RWDD4: variants seen among roughly 807,000 people sequenced by gnomAD.
RWDD4 encodes RWD domain-containing protein 4.
In RWDD4, 16 loss-of-function variants were observed where a neutral mutation model predicts 30.0. The observed-to-expected ratio is 0.53, with a 90% CI of 0.36 to 0.81. The LOEUF (loss-of-function observed/expected upper bound fraction) is 0.81, where lower values mean the gene tolerates loss of function less well. Among genes scored for constraint, RWDD4 ranks in the 30% least tolerant of loss-of-function variants. The pLI, the probability that RWDD4 is intolerant of heterozygous loss-of-function variation, is 0.00. For synonymous variants in RWDD4, 45 were observed against 72.1 expected (o/e 0.62, Z 1.90); for missense variants, 170 against 223.9 (o/e 0.76, Z 1.54).
chr4:183,648,859 T>C (rs1168952389), intron 5 of RWDD4, among the ~76,000 whole-genome samples: 1 of 152,168 alleles, frequency 6.6e-6, no homozygotes, highest in Non-Finnish European at 1.5e-5. Context: ...TTTTTTTCTT[T>C]TTTTGAGACA....
At chr4:183,654,767 G>A (rs566084037) in intron 2 of RWDD4, among the ~76,000 whole-genome samples, 1 of 152,308 alleles carries the variant, frequency 6.6e-6, no homozygotes, top group Admixed American at 6.5e-5. Flanking sequence ...TGGAGATGGT[G>A]TAAGGACTGT....
intron 7 of RWDD4, among the ~76,000 whole-genome samples, chr4:183,641,716 G>T (rs1191402088): frequency 6.6e-6 from 1 of 152,092 alleles, no homozygotes; most frequent in Non-Finnish European, 1.5e-5. Flanking sequence ...GGACACTCTT[G>T]AAGCTTTCTA....
At chr4:183,641,593 C>T (rs1460269158) in intron 7 of RWDD4, 125 bp from the exon 8 acceptor site, 1 of 729,182 alleles carries the variant, frequency 1.4e-6, no homozygotes, top group Admixed American at 2.4e-5. Context: ...CAGTTTTTAC[C>T]ACATGTAGCT....
At chr4:183,646,290 A>AG (rs780620706) in intron 7 of RWDD4, 61 bp downstream of exon 7, 2 of 780,074 alleles carry the variant, frequency 2.6e-6, no homozygotes, top group East Asian at 2.4e-5. Flanking sequence ...AAAAAAAAAA[A>AG]GATCTAAAAT....
intron 2 of RWDD4, chr4:183,653,793 T>C (rs1482112786): frequency 2.6e-5 from 4 of 152,212 alleles, no homozygotes; most frequent in Non-Finnish European, 5.9e-5. Flanking sequence ...ATGGCGCATT[T>C]AGGAATAAAT....
At chr4:183,643,116 A>T (rs1467112203) in intron 7 of RWDD4, among the ~76,000 whole-genome samples, 14 of 67,362 alleles carry the variant, frequency 2.1e-4, no homozygotes, top group Non-Finnish European at 3.2e-4. Context: ...AATAAAAATT[A>T]AAAAAAAAAA....
At chr4:183,647,364 A>G (rs1023989266) in intron 5 of RWDD4, among the ~76,000 whole-genome samples, 3 of 152,200 alleles carry the variant, frequency 2.0e-5, no homozygotes, top group Admixed American at 2.0e-4. Context: ...GAGAGAAGCA[A>G]TATTACTGGA....
intron 2 of RWDD4, among the ~76,000 whole-genome samples, chr4:183,655,091 C>G (rs1017433920): frequency 6.6e-6 from 1 of 151,718 alleles, no homozygotes; most frequent in Non-Finnish European, 1.5e-5. Flanking sequence ...CAGGCATGCA[C>G]CATCATGCGT....
chr4:183,648,935 C>T (rs1392252956), intron 5 of RWDD4, among the ~76,000 whole-genome samples: 1 of 151,958 alleles, frequency 6.6e-6, no homozygotes, highest in Admixed American at 6.6e-5. Context: ...CAACGGCTGC[C>T]TCCTGGGTTC....
chr4:183,643,210 T>C (rs1733898863), intron 7 of RWDD4, among the ~76,000 whole-genome samples: 1 of 146,942 alleles, frequency 6.8e-6, no homozygotes, highest in Non-Finnish European at 1.5e-5. Context: ...GTGGATCACT[T>C]GAGGTCAGGA....
rs1311665141 is a variant in RWDD4, at chr4:183,654,246, A to G, written c.105+1635T>C. Reference sequence around the variant, plus strand: ...TGAAAAAATTTCGTCCTCATTTTATAGGCAAGAGGAACCCAGAGAAAAACA... The same window carrying G: ...TGAAAAAATTTCGTCCTCATTTTATGGGCAAGAGGAACCCAGAGAAAAACA... On this transcript the variant is annotated intron_variant, in intron 2 of 7. Transcript: ENST00000326397. Among the ~76,000 whole-genome samples, 6 of 152,238 alleles carry G rather than the reference A, an allele frequency of 3.9e-5. No homozygotes were observed. The East Asian group carries it at 1.2e-3, about 29-fold the overall frequency.
At chr4:183,655,779 A>G (rs1440264675) in intron 2 of RWDD4, 102 bp downstream of exon 2, 1 of 673,476 alleles carries the variant, frequency 1.5e-6, no homozygotes, top group Non-Finnish European at 2.6e-6. Flanking sequence ...AAATACAGAC[A>G]TAATAAATTT....
At chr4:183,653,936 AGT>A in intron 2 of RWDD4, among the ~76,000 whole-genome samples, 1 of 152,350 alleles carries the variant, frequency 6.6e-6, no homozygotes, top group African/African-American at 2.4e-5. Context: ...AACAAAACAA[AGT>A]ATGAAGAAAT....
intron 2 of RWDD4, among the ~76,000 whole-genome samples, chr4:183,653,059 G>A (rs1272470971): frequency 6.6e-6 from 1 of 152,082 alleles, no homozygotes; most frequent in African/African-American, 2.4e-5. Flanking sequence ...AAGAATACAG[G>A]CTAGTTTTCT....
rs1257336983 is a variant in RWDD4 at position 183,639,964 on chromosome 4, C to T, written c.*1472G>A. 3 of 151,902 alleles carry T rather than the reference C, an allele frequency of 2.0e-5. No individual in the cohort carries two copies. Among genetic ancestry groups the T allele is most frequent in the Admixed American group, 2.0e-4 (3 of 15,222 alleles). 9.4% of individuals were successfully genotyped at this position (151,902 alleles called of 1,614,324 possible). A position where few individuals can be genotyped will look rare whatever the true frequency, so the allele number is the denominator to read the frequency against. ...TTTTATTCCACTAGCAGATGTTTCT[C>T]CAAAAACAAAAAACAAACCAATACA... On this transcript the variant is annotated 3_prime_UTR_variant, in exon 8 of 8. Transcript: ENST00000326397.
At chr4:183,657,031 T>C (rs2111254947) in intron 1 of RWDD4, among the ~76,000 whole-genome samples, 1 of 140,136 alleles carries the variant, frequency 7.1e-6, no homozygotes, top group East Asian at 2.1e-4. Context: ...GTCTCAAAAA[T>C]AGCAACAACA....
At chr4:183,658,826 C>T (rs1561017120) in intron 1 of RWDD4, 103 bp downstream of exon 1, 4 of 1,078,394 alleles carry the variant, frequency 3.7e-6, no homozygotes. Context: ...TCCGAGGGCA[C>T]AGGGCACGTG....
intron 5 of RWDD4, among the ~76,000 whole-genome samples, chr4:183,648,337 C>T (rs529974797): frequency 6.6e-6 from 1 of 151,962 alleles, no homozygotes; most frequent in East Asian, 1.9e-4. Context: ...GTAGCACACG[C>T]ATAGATACAT....
At position 183,643,415 on chromosome 4, in the gene RWDD4, C is replaced by CAAAAAA. The variant is rs56730708; in HGVS notation, c.535-1953_535-1948dup. ...TGAGTGACAGAGCAAGACTCTATCT[C>CAAAAAA]AAAAAAAAAAAAAAAAAAAAAAAAA... On this transcript the variant is annotated intron_variant, in intron 7 of 7. Transcript: ENST00000326397. Among the ~76,000 whole-genome samples, 89 of 22,660 alleles carry CAAAAAA rather than the reference C, an allele frequency of 3.9e-3. 20 individuals are homozygous for CAAAAAA. The highest frequency in any genetic ancestry group is 0.01 in the Admixed American group (13 of 1,284). The allele number at this position is 22,660 out of a possible 152,430, so 14.9% of individuals were successfully genotyped here. A position where few individuals can be genotyped will look rare whatever the true frequency, so the allele number is the denominator to read the frequency against.
Sources: gnomAD v4.1 joint callset for allele counts (sites outside exome capture counted in the v4.1 genomes callset) on GRCh38, gnomAD v4.1.1 for gene constraint, MANE v1.5 for transcripts, NCBI Gene and HGNC (gene_info 2026-07-23, HGNC 2026-07-21) for gene names.